Variants in EPB41L3 observed in about 807,000 individuals in gnomAD.
EPB41L3 encodes erythrocyte membrane protein band 4.1 like 3, also known as band 4.1-like protein 3.
A neutral mutation model predicts 127.1 loss-of-function variants in EPB41L3; 57 were observed. That is an observed-to-expected ratio of 0.45 (90% CI 0.36 to 0.56). EPB41L3 has a LOEUF of 0.56. EPB41L3 is among the 20% of genes least tolerant of loss of function. EPB41L3 has a pLI of 0.00. For synonymous variants in EPB41L3, 572 were observed against 549.5 expected (o/e 1.04, Z -0.57); for missense variants, 1,273 against 1,372.2 (o/e 0.93, Z 1.14).
At chr18:5,401,629 C>T (rs1404279041) in intron 16 of EPB41L3, among the ~76,000 whole-genome samples, 1 of 151,948 alleles carries the variant, frequency 6.6e-6, no homozygotes, top group Non-Finnish European at 1.5e-5. Context: ...TTTATTTGAA[C>T]TTTTATAACA....
At chr18:5,561,499 C>A (rs539592266) in intron 3 of EPB41L3, among the ~76,000 whole-genome samples, 38 of 151,740 alleles carry the variant, frequency 2.5e-4, no homozygotes, top group Non-Finnish European at 4.6e-4. Context: ...ACCCATGAGT[C>A]CATACTCCTA....
At chr18:5,536,798 T>G (rs1253673596) in intron 1 of EPB41L3, among the ~76,000 whole-genome samples, 1 of 152,116 alleles carries the variant, frequency 6.6e-6, no homozygotes, top group African/African-American at 2.4e-5. Context: ...GCCACTGCAC[T>G]CCAGCCTGGG....
At position 5,478,452 on chromosome 18, in the gene EPB41L3, A is replaced by T. The variant is rs770977085; in HGVS notation, c.184-14T>A. Reference sequence around the variant, plus strand: ...CTTGTCAGTGACCTGTGAAGAGCAAACAATCAACAGTTTTCATTGCAAGGT... The same window carrying T: ...CTTGTCAGTGACCTGTGAAGAGCAATCAATCAACAGTTTTCATTGCAAGGT... On this transcript the variant is annotated splice_polypyrimidine_tract_variant and intron_variant, in intron 2 of 22. Coordinates refer to ENST00000341928, the MANE Select transcript of EPB41L3 (RefSeq NM_012307.5). The T allele has an allele frequency of 3.1e-6, 5 of 1,613,314 alleles. 1 individual carries two copies. The South Asian group carries it at 4.4e-5, about 14-fold the overall frequency.
upstream of EPB41L3, among the ~76,000 whole-genome samples, chr18:5,547,072 T>C (rs372657794): frequency 5.7e-5 from 8 of 140,182 alleles, no homozygotes; most frequent in South Asian, 1.6e-3. Context: ...GTAAAAGCAA[T>C]AATGAAAACC....
intron 3 of EPB41L3, among the ~76,000 whole-genome samples, chr18:5,475,080 A>G (rs1370906678): frequency 6.6e-6 from 1 of 152,126 alleles, no homozygotes; most frequent in East Asian, 1.9e-4. Flanking sequence ...ATCCTCCACC[A>G]ATCTTATTTT....
chr18:5,409,053 A>C (rs1205443713), intron 14 of EPB41L3, among the ~76,000 whole-genome samples: 1 of 152,084 alleles, frequency 6.6e-6, no homozygotes, highest in Non-Finnish European at 1.5e-5. Context: ...AAGACTGCTT[A>C]CTCTTCATAT....
chr18:5,527,959 T>C (rs1274846816), intron 1 of EPB41L3, among the ~76,000 whole-genome samples: 3 of 152,070 alleles, frequency 2.0e-5, no homozygotes, highest in Non-Finnish European at 4.4e-5. Context: ...AACAAAAAGC[T>C]ACAGAAGGAT....
chr18:5,463,172 T>C (rs889972132), intron 3 of EPB41L3, among the ~76,000 whole-genome samples: 6 of 152,220 alleles, frequency 3.9e-5, no homozygotes, highest in African/African-American at 9.6e-5. Flanking sequence ...TTCTTTACAA[T>C]AGAGCTGACT....
Position 5,419,696 on chromosome 18 carries a change from G to T in EPB41L3, c.1506+15C>A. 1 of 1,613,552 alleles carries T rather than the reference G, an allele frequency of 6.2e-7. No homozygotes were observed. The highest frequency in any genetic ancestry group is 8.5e-7 in the Non-Finnish European group (1 of 1,180,000). ...AAGCTGGAGCAAGCTCTTGCAGGCA[G>T]TCTGGGAGCTATACCTTTCCCTCGT... On this transcript the variant is annotated intron_variant, in intron 12 of 22. Coordinates refer to ENST00000341928, the MANE Select transcript of EPB41L3 (RefSeq NM_012307.5).
At chr18:5,479,419 G>A (rs536728234) in intron 2 of EPB41L3, among the ~76,000 whole-genome samples, 80 of 152,212 alleles carry the variant, frequency 5.3e-4, no homozygotes, top group African/African-American at 1.8e-3. Context: ...TCAGGGGCTC[G>A]AAAAGTAAAA....
At chr18:5,435,539 T>C (rs2079645245) in intron 6 of EPB41L3, among the ~76,000 whole-genome samples, 1 of 152,236 alleles carries the variant, frequency 6.6e-6, no homozygotes, top group African/African-American at 2.4e-5. Flanking sequence ...GCTCTACAGG[T>C]TTCTAGCCTA....
upstream of EPB41L3, chr18:5,544,047 CG>C (rs1401778146): frequency 1.0e-6 from 1 of 985,474 alleles, no homozygotes; most frequent in Non-Finnish European, 1.2e-6. Context: ...CTGTTCCCCC[CG>C]CCCCCTGTTG....
Position 5,433,827 on chromosome 18 carries a change from C to T in EPB41L3, c.824+76G>A, listed in dbSNP as rs796996091. The stretch of plus-strand genomic sequence containing the variant: ...CGCCGTTAATGGACTGAAATCAGTA[C>T]TGGGAAGAGGTGGGTTGTGTGCGGG... On this transcript the variant is annotated intron_variant, in intron 7 of 22. Coordinates refer to ENST00000341928, the MANE Select transcript of EPB41L3 (RefSeq NM_012307.5). 1.1e-5 allele frequency: 17 copies of T among 1,486,560 alleles called. No individual in the cohort carries two copies. The African/African-American group carries it at 2.3e-4, about 21-fold the overall frequency. The allele number at this position is 1,486,560 out of a possible 1,614,324, so 92.1% of individuals were successfully genotyped here.
At chr18:5,441,711 G>A (rs11081193) in intron 5 of EPB41L3, among the ~76,000 whole-genome samples, 90,048 of 150,196 alleles carry the variant, frequency 0.6, 28,519 homozygotes, top group Non-Finnish European at 0.7. Flanking sequence ...TGATCCGCCC[G>A]TCTCGGCCTC....
At chr18:5,614,153 A>C (rs565233766) in intron 2 of EPB41L3, among the ~76,000 whole-genome samples, 135 of 152,330 alleles carry the variant, frequency 8.9e-4, no homozygotes, top group Middle Eastern at 6.8e-3. Flanking sequence ...CAATGTTGGA[A>C]TAGTCCACAG....
intron 4 of EPB41L3, 102 bp from the exon 5 acceptor site, chr18:5,443,982 G>T: frequency 2.1e-6 from 2 of 971,892 alleles, no homozygotes; most frequent in Non-Finnish European, 1.5e-6. Context: ...GGAGTTAGTG[G>T]TCGTGGGAAG....
chr18:5,395,810 T>C (rs1267266021), intron 19 of EPB41L3, 103 bp from the exon 20 acceptor site: 4 of 849,050 alleles, frequency 4.7e-6, no homozygotes, highest in Non-Finnish European at 7.9e-6. Context: ...CTATCTCCTA[T>C]TATGCAATCA....
chr18:5,488,035 G>A (rs2090061465), intron 2 of EPB41L3, among the ~76,000 whole-genome samples: 1 of 152,110 alleles, frequency 6.6e-6, no homozygotes, highest in Non-Finnish European at 1.5e-5. Context: ...TTGATTCCAA[G>A]TTTGAAGTTT....
chr18:5,536,786 G>A (rs1044369190), intron 1 of EPB41L3, among the ~76,000 whole-genome samples: 4 of 152,048 alleles, frequency 2.6e-5, no homozygotes, highest in Admixed American at 6.5e-5. Flanking sequence ...AGCTGATATC[G>A]TGCCACTGCA....
Sources: gnomAD v4.1 joint callset for allele counts (sites outside exome capture counted in the v4.1 genomes callset) on GRCh38, gnomAD v4.1.1 for gene constraint, MANE v1.5 for transcripts, NCBI Gene and HGNC (gene_info 2026-07-23, HGNC 2026-07-21) for gene names.